IMMP2L: variants seen among roughly 807,000 people sequenced by gnomAD.
IMMP2L encodes mitochondrial inner membrane protease subunit 2.
A neutral mutation model predicts 19.3 loss-of-function variants in IMMP2L; 18 were observed. The ratio of observed to expected loss-of-function variants is 0.93; its 90% CI spans 0.64 to 1.38. IMMP2L has a LOEUF of 1.38. Ranked by LOEUF, IMMP2L falls within the 40% of genes most tolerant of loss-of-function variation. The probability of loss-of-function intolerance (pLI) is 0.00; values close to 1 mark genes in which losing one functional copy is unlikely to be tolerated. For synonymous variants in IMMP2L, 76 were observed against 73.0 expected (o/e 1.04, Z -0.21); for missense variants, 233 against 218.2 (o/e 1.07, Z -0.43).
intron 3 of IMMP2L, among the ~76,000 whole-genome samples, chr7:111,196,502 A>C (rs1809519421): frequency 6.6e-6 from 1 of 152,230 alleles, no homozygotes; most frequent in African/African-American, 2.4e-5. Flanking sequence ...TCATTCAAAA[A>C]GATTATGGAG....
intron 1 of IMMP2L, among the ~76,000 whole-genome samples, chr7:111,555,383 G>A (rs12705776): frequency 0.78 from 118,030 of 151,794 alleles, 47,612 homozygotes; most frequent in East Asian, 0.97. Flanking sequence ...ATTCATATCT[G>A]ACAGTTGGGG....
intron 3 of IMMP2L, among the ~76,000 whole-genome samples, chr7:111,292,009 C>T (rs1198296184): frequency 6.6e-6 from 1 of 152,140 alleles, no homozygotes; most frequent in South Asian, 2.1e-4. Flanking sequence ...TCTTGCCTGT[C>T]CCCCTGCAGT....
chr7:111,383,269 T>C lies in IMMP2L; in HGVS notation c.239+103969A>G, dbSNP rs568688219. Among the ~76,000 whole-genome samples the C allele has an allele frequency of 2.6e-5, 4 of 152,224 alleles. No individual in the cohort carries two copies. The South Asian group carries it at 8.3e-4, about 32-fold the overall frequency. ...TTTGCCACAGTTTAAACCTTTTAGA[T>C]GAAGTTATTGTGCTTTAAAGAAATG... On this transcript the variant is annotated intron_variant, in intron 3 of 5. Transcript: ENST00000405709.
At chr7:111,018,092 A>G (rs1825885525) in intron 3 of IMMP2L, among the ~76,000 whole-genome samples, 1 of 152,170 alleles carries the variant, frequency 6.6e-6, no homozygotes, top group Admixed American at 6.5e-5. Flanking sequence ...TCTATTTTTC[A>G]GTTCTAAGGC....
chr7:111,490,618 A>G (rs753073094), intron 2 of IMMP2L, among the ~76,000 whole-genome samples: 1 of 152,048 alleles, frequency 6.6e-6, no homozygotes, highest in African/African-American at 2.4e-5. Context: ...AACTCATGCT[A>G]TATCTACACT....
rs528614248 is a variant in IMMP2L, at chr7:111,243,122, G to C, written c.239+244116C>G. On this transcript the variant is annotated intron_variant, in intron 3 of 5. Coordinates refer to ENST00000405709, the MANE Select transcript of IMMP2L (RefSeq NM_032549.4). ...TTTTTATGCCAACTAAAGAGTAGTT[G>C]TTTTGAGAAGAAACAACAGGAATTT... 4.0e-4 allele frequency among the ~76,000 whole-genome samples: 61 copies of C among 152,178 alleles called. 1 individual carries two copies. Among genetic ancestry groups the C allele is most frequent in the African/African-American group, 1.2e-3 (48 of 41,540 alleles).
chr7:111,122,960 T>G, intron 3 of IMMP2L: 1 of 1,614,044 alleles, frequency 6.2e-7, no homozygotes, highest in Non-Finnish European at 8.5e-7. Context: ...CTTTTAACTT[T>G]CCCAGCCAGA....
At chr7:110,713,168 C>G (rs141105468) in intron 5 of IMMP2L, among the ~76,000 whole-genome samples, 1,616 of 152,262 alleles carry the variant, frequency 0.011, 17 homozygotes, top group Non-Finnish European at 0.018. Flanking sequence ...AATAGGGAGT[C>G]CTTTCCCCAT....
chr7:111,070,030 C>T (rs945589288), intron 3 of IMMP2L, among the ~76,000 whole-genome samples: 14 of 151,926 alleles, frequency 9.2e-5, no homozygotes, highest in Admixed American at 6.6e-4. Flanking sequence ...AAATATTATC[C>T]AGAACCTCAC....
intron 1 of IMMP2L, among the ~76,000 whole-genome samples, chr7:111,532,904 G>A (rs1470953352): frequency 6.6e-6 from 1 of 152,118 alleles, no homozygotes; most frequent in Non-Finnish European, 1.5e-5. Context: ...ATGCAAGCCA[G>A]AGGAAAAGAT....
At chr7:110,989,511 CAGA>C (rs1046170683) in intron 3 of IMMP2L, among the ~76,000 whole-genome samples, 61 of 110,616 alleles carry the variant, frequency 5.5e-4, no homozygotes, top group Admixed American at 2.6e-3. Flanking sequence ...GCCTGGGCAA[CAGA>C]AGAAGACTCT....
At chr7:111,199,953 A>G (rs1809927056) in intron 3 of IMMP2L, among the ~76,000 whole-genome samples, 1 of 152,106 alleles carries the variant, frequency 6.6e-6, no homozygotes, top group Non-Finnish European at 1.5e-5. Context: ...TTTCAGTTTT[A>G]TAGGCTCTTT....
rs201012120 is a variant in IMMP2L, at chr7:111,487,243, T to C, written c.234A>G (p.Ser78=). ...NFEVHRGDIV[S]LVSPKNPEQK... Reference sequence around the variant, plus strand: ...TATGCTTCTGAGTTACTTACACCAATGATACAATGTCACCACGGTGTACTT... The same window carrying C: ...TATGCTTCTGAGTTACTTACACCAACGATACAATGTCACCACGGTGTACTT... Residue 78 remains serine, a synonymous_variant, in exon 3 of 6, where the codon TCA becomes TCG. Transcript: ENST00000405709. 6.0e-6 allele frequency: 9 copies of C among 1,487,754 alleles called. No homozygotes were observed. Among genetic ancestry groups the C allele is most frequent in the Middle Eastern group, 1.7e-4 (1 of 5,812 alleles). The allele number at this position is 1,487,754 out of a possible 1,614,324, so 92.2% of individuals were successfully genotyped here. A position where few individuals can be genotyped will look rare whatever the true frequency, so the allele number is the denominator to read the frequency against.
In IMMP2L at chr7:111,539,206, GAAAGAAAGAAAGAAAGAAAGAAAGAA is replaced by G. The variant is rs1563330851; in HGVS notation, c.-2-17783_-2-17758del. ...AAGGAAGGAAGGAGGGAGAAAGAAA[GAAAGAAAGAAAGAAAGAAAGAAAGAA>G]AGAAAGAAAGAAAGAAAGAAAGAAA... On this transcript the variant is annotated intron_variant, in intron 1 of 5. Coordinates refer to ENST00000405709, the MANE Select transcript of IMMP2L (RefSeq NM_032549.4). 3.3e-3 allele frequency among the ~76,000 whole-genome samples: 138 copies of G among 41,328 alleles called. 3 individuals carry two copies. The highest frequency in any genetic ancestry group is 0.014 in the African/African-American group (132 of 9,436). The allele number at this position is 41,328 out of a possible 152,430, so 27.1% of individuals were successfully genotyped here.
intron 3 of IMMP2L, among the ~76,000 whole-genome samples, chr7:111,206,477 CTG>C (rs1278271620): frequency 6.6e-6 from 1 of 152,032 alleles, no homozygotes; most frequent in African/African-American, 2.4e-5. Context: ...GAGTAAGTGA[CTG>C]TGCTCTTCAG....
At chr7:110,849,167 G>A (rs1024365058) in intron 5 of IMMP2L, among the ~76,000 whole-genome samples, 1 of 152,076 alleles carries the variant, frequency 6.6e-6, no homozygotes, top group African/African-American at 2.4e-5. Flanking sequence ...GTATGTGTTT[G>A]TGAGGACAGA....
At chr7:111,272,923 G>A (rs928372093) in intron 3 of IMMP2L, among the ~76,000 whole-genome samples, 1 of 152,118 alleles carries the variant, frequency 6.6e-6, no homozygotes, top group Non-Finnish European at 1.5e-5. Context: ...AGATGTTGGA[G>A]GAGGTGACAA....
intron 3 of IMMP2L, among the ~76,000 whole-genome samples, chr7:111,378,271 T>C (rs1830873636): frequency 6.6e-6 from 1 of 152,014 alleles, no homozygotes; most frequent in Non-Finnish European, 1.5e-5. Flanking sequence ...AACTGTATAA[T>C]GTTTTCTGAT....
intron 3 of IMMP2L, among the ~76,000 whole-genome samples, chr7:111,330,146 T>C (rs919604806): frequency 1.3e-5 from 2 of 151,424 alleles, no homozygotes; most frequent in African/African-American, 4.8e-5. Context: ...AAAACACCAA[T>C]TGATTGAACA....
Sources: allele counts gnomAD v4.1 joint callset (sites outside exome capture counted in the v4.1 genomes callset), GRCh38; gene constraint gnomAD v4.1.1; transcripts MANE v1.5; gene names NCBI Gene and HGNC (gene_info 2026-07-23, HGNC 2026-07-21).